The following SOX6 variants were observed in gnomAD, a reference collection of about 807,000 sequenced individuals.
SOX6 encodes the protein transcription factor SOX-6.
Under a neutral mutation model 97.8 loss-of-function variants are expected in SOX6, and 11 were observed. That is an observed-to-expected ratio of 0.11 (90% CI 0.07 to 0.19). The LOEUF is 0.19. Ranked by LOEUF, SOX6 falls within the 10% of genes least tolerant of loss-of-function variation. The pLI is 1.00. For missense variants in SOX6, 810 were observed against 1,039.5 expected (o/e 0.78, Z 3.04); for synonymous variants, 360 against 371.4 (o/e 0.97, Z 0.35).
intron 4 of SOX6, among the ~76,000 whole-genome samples, chr11:16,531,564 G>A (rs1861236929): frequency 4.0e-5 from 6 of 151,374 alleles, no homozygotes; most frequent in Admixed American, 2.6e-4. Context: ...GGAAACTTGA[G>A]GTCTAAGGTC....
intron 4 of SOX6, among the ~76,000 whole-genome samples, chr11:16,516,357 G>T (rs1424408880): frequency 6.6e-6 from 1 of 152,094 alleles, no homozygotes; most frequent in African/African-American, 2.4e-5. Flanking sequence ...TTTGTCTGTT[G>T]TTGGTGTATA....
At chr11:16,428,168 G>T (rs1481415635) in intron 1 of SOX6, among the ~76,000 whole-genome samples, 2 of 152,098 alleles carry the variant, frequency 1.3e-5, no homozygotes, top group Non-Finnish European at 2.9e-5. Flanking sequence ...CCCACTTTTT[G>T]ATGGGGTTGT....
intron 3 of SOX6, among the ~76,000 whole-genome samples, chr11:16,296,907 A>C (rs1183838214): frequency 6.6e-6 from 1 of 152,132 alleles, no homozygotes; most frequent in African/African-American, 2.4e-5. Flanking sequence ...AGAAAAAGAA[A>C]AGGCAGAGTA....
intron 12 of SOX6, among the ~76,000 whole-genome samples, chr11:16,016,466 T>C (rs1165810048): frequency 6.6e-6 from 1 of 152,042 alleles, no homozygotes; most frequent in Non-Finnish European, 1.5e-5. Context: ...GGGAAACCTC[T>C]GAAATATGAC....
intron 1 of SOX6, among the ~76,000 whole-genome samples, chr11:16,375,853 T>TA (rs1171594320): frequency 2.0e-5 from 3 of 151,894 alleles, no homozygotes; most frequent in Non-Finnish European, 4.4e-5. Flanking sequence ...TATGCAGCCA[T>TA]AAAAAAGGAT....
Position 15,988,984 on chromosome 11 carries a change from C to G in SOX6, c.1966+13G>C, listed in dbSNP as rs756977881. ...GGGGAGAAGATCAGCTTTAGCTGCA[C>G]TGCTGCACTCACCTAAGATTTTGCT... is the stretch of plus-strand genomic sequence containing the variant. On this transcript the variant is annotated intron_variant, in intron 14 of 15. Transcript: ENST00000683767. 5 of 1,610,866 alleles carry G rather than the reference C, an allele frequency of 3.1e-6. No homozygotes were observed.
intron 3 of SOX6, among the ~76,000 whole-genome samples, chr11:16,285,521 C>T (rs555127749): frequency 3.6e-4 from 54 of 151,984 alleles, no homozygotes; most frequent in Admixed American, 3.0e-3. Context: ...GCAGCAAGAG[C>T]GAAACTCCAT....
At chr11:16,620,484 C>T (rs958972396) in intron 3 of SOX6, among the ~76,000 whole-genome samples, 1 of 152,096 alleles carries the variant, frequency 6.6e-6, no homozygotes, top group Admixed American at 6.6e-5. Context: ...CATTATGTTG[C>T]CCTGGTTGGA....
At chr11:16,251,563 T>G (rs1377703610) in intron 3 of SOX6, among the ~76,000 whole-genome samples, 1 of 151,866 alleles carries the variant, frequency 6.6e-6, no homozygotes, top group Non-Finnish European at 1.5e-5. Context: ...AAAACAGAAA[T>G]AGTGCTATAT....
chr11:16,460,921 C>T (rs1160443632), intron 1 of SOX6, among the ~76,000 whole-genome samples: 1 of 152,076 alleles, frequency 6.6e-6, no homozygotes, highest in Non-Finnish European at 1.5e-5. Flanking sequence ...CACTTTAGGT[C>T]CTAGCCTTAA....
At chr11:16,463,896 G>A (rs1191049204) in intron 1 of SOX6, among the ~76,000 whole-genome samples, 2 of 152,016 alleles carry the variant, frequency 1.3e-5, no homozygotes, top group Non-Finnish European at 2.9e-5. Flanking sequence ...TGGTTCAGTT[G>A]GATATTTATC....
chr11:16,105,601 C>T (rs1849059429), intron 7 of SOX6, among the ~76,000 whole-genome samples: 1 of 152,096 alleles, frequency 6.6e-6, no homozygotes, highest in Non-Finnish European at 1.5e-5. Context: ...CAGCTAACTT[C>T]ATATTCAATG....
At chr11:16,485,400 A>G (rs922201873) in intron 4 of SOX6, among the ~76,000 whole-genome samples, 1 of 152,106 alleles carries the variant, frequency 6.6e-6, no homozygotes, top group African/African-American at 2.4e-5. Flanking sequence ...GGCCTGGACA[A>G]CAAAGTGAGA....
At chr11:16,057,835 T>C (rs1847855968) in intron 9 of SOX6, among the ~76,000 whole-genome samples, 1 of 152,160 alleles carries the variant, frequency 6.6e-6, no homozygotes, top group African/African-American at 2.4e-5. Flanking sequence ...TTCCTATTCT[T>C]GTTATTAAGG....
At chr11:16,365,932 G>A (rs1272199554) in intron 1 of SOX6, among the ~76,000 whole-genome samples, 1 of 152,112 alleles carries the variant, frequency 6.6e-6, no homozygotes, top group African/African-American at 2.4e-5. Flanking sequence ...GCAGACATAT[G>A]TGGCACAGAC....
chr11:16,629,641 A>G (rs1225985215), intron 3 of SOX6, among the ~76,000 whole-genome samples: 1 of 151,934 alleles, frequency 6.6e-6, no homozygotes, highest in African/African-American at 2.4e-5. Context: ...TTCCTCCTCC[A>G]TTTTTGGGGA....
At chr11:16,494,998 C>A (rs1166209242) in intron 4 of SOX6, among the ~76,000 whole-genome samples, 1 of 152,158 alleles carries the variant, frequency 6.6e-6, no homozygotes, top group Non-Finnish European at 1.5e-5. Flanking sequence ...AGACTGCATC[C>A]TGCCTTGGAG....
At chr11:16,285,753 G>A (rs541595742) in intron 3 of SOX6, among the ~76,000 whole-genome samples, 1 of 152,120 alleles carries the variant, frequency 6.6e-6, no homozygotes, top group East Asian at 1.9e-4. Flanking sequence ...ATACTTCTGA[G>A]ATGTTGCCTG....
intron 3 of SOX6, among the ~76,000 whole-genome samples, chr11:16,624,887 T>C (rs1053565227): frequency 3.9e-5 from 6 of 152,192 alleles, no homozygotes; most frequent in Non-Finnish European, 5.9e-5. Context: ...TTGAGCACTT[T>C]TTCATATATT....
Sources: gnomAD v4.1 joint callset for allele counts (sites outside exome capture counted in the v4.1 genomes callset) on GRCh38, gnomAD v4.1.1 for gene constraint, MANE v1.5 for transcripts, NCBI Gene and HGNC (gene_info 2026-07-23, HGNC 2026-07-21) for gene names.